Variants in TMEM232 observed in about 807,000 individuals in gnomAD.
The protein encoded by TMEM232 is transmembrane protein 232.
In TMEM232, 80 loss-of-function variants were observed where a neutral mutation model predicts 78.8. The observed-to-expected ratio is 1.01, with a 90% CI of 0.85 to 1.22. The LOEUF (loss-of-function observed/expected upper bound fraction) is 1.22, where lower values mean the gene tolerates loss of function less well. Ranked by LOEUF, TMEM232 falls within the 50% of genes most tolerant of loss-of-function variation. TMEM232 has a pLI of 0.00. For missense variants in TMEM232, 881 were observed against 742.2 expected (o/e 1.19, Z -2.17); for synonymous variants, 297 against 254.3 (o/e 1.17, Z -1.60).
At chr5:110,598,803 T>A (rs1047594377) in intron 10 of TMEM232, among the ~76,000 whole-genome samples, 4 of 136,480 alleles carry the variant, frequency 2.9e-5, no homozygotes, top group Admixed American at 1.7e-4. Context: ...TAGATGGGAA[T>A]TGAACAATAA....
At chr5:110,390,396 A>G (rs1023037695) in intron 4 of TMEM232, 1 of 152,158 alleles carries the variant, frequency 6.6e-6, no homozygotes, top group South Asian at 2.1e-4. Context: ...CTTTATCACC[A>G]TCTCTGGAGA....
intron 12 of TMEM232, among the ~76,000 whole-genome samples, chr5:110,526,752 T>G (rs1770655595): frequency 6.6e-6 from 1 of 151,982 alleles, no homozygotes. Flanking sequence ...ATGTAAATGG[T>G]TATTCTTTGT....
intron 2 of TMEM232, among the ~76,000 whole-genome samples, chr5:110,653,547 T>C (rs1237350809): frequency 6.6e-6 from 1 of 152,214 alleles, no homozygotes; most frequent in Non-Finnish European, 1.5e-5. Flanking sequence ...TCTCTGCTTT[T>C]TCCTGGGCAC....
intron 12 of TMEM232, among the ~76,000 whole-genome samples, chr5:110,455,473 G>A (rs570799234): frequency 7.7e-4 from 117 of 151,764 alleles, no homozygotes; most frequent in Middle Eastern, 3.4e-3. Flanking sequence ...CACCTCTTGC[G>A]TTCAAGCCAT....
intron 6 of TMEM232, among the ~76,000 whole-genome samples, chr5:110,626,703 C>T (rs1784470623): frequency 6.6e-6 from 1 of 151,942 alleles, no homozygotes; most frequent in Non-Finnish European, 1.5e-5. Context: ...TGTTTGTTTA[C>T]CTCCAATCTG....
intron 11 of TMEM232, among the ~76,000 whole-genome samples, chr5:110,533,226 T>A (rs1771816340): frequency 6.6e-6 from 1 of 152,214 alleles, no homozygotes; most frequent in Non-Finnish European, 1.5e-5. Flanking sequence ...ACAGCCCCCA[T>A]TACTTCAGTC....
chr5:110,536,079 G>C (rs13436729), intron 11 of TMEM232, among the ~76,000 whole-genome samples: 25,496 of 152,108 alleles, frequency 0.17, 5,638 homozygotes, highest in African/African-American at 0.52. Context: ...TTCCCCTTTT[G>C]CTATCTGCTC....
At chr5:110,463,133 T>C (rs1464073166) in intron 12 of TMEM232, among the ~76,000 whole-genome samples, 1 of 152,176 alleles carries the variant, frequency 6.6e-6, no homozygotes, top group Non-Finnish European at 1.5e-5. Context: ...AAATCTTTCA[T>C]TGTGGCGACT....
At chr5:110,618,612 A>G in intron 7 of TMEM232, 50 bp from the exon 8 acceptor site, 1 of 1,485,196 alleles carries the variant, frequency 6.7e-7, no homozygotes, top group Non-Finnish European at 9.0e-7. Context: ...AATATATGAG[A>G]AAGAGTACTC....
At chr5:110,586,716 A>G (rs1244649351) in intron 10 of TMEM232, among the ~76,000 whole-genome samples, 1 of 152,136 alleles carries the variant, frequency 6.6e-6, no homozygotes, top group Non-Finnish European at 1.5e-5. Flanking sequence ...GATGGAGCAC[A>G]GTAACACAAA....
At chr5:110,574,857 C>T (rs545923131) in intron 10 of TMEM232, among the ~76,000 whole-genome samples, 44 of 152,160 alleles carry the variant, frequency 2.9e-4, no homozygotes, top group South Asian at 8.3e-4. Context: ...TAAACCATAA[C>T]CCTGAGTAAA....
chr5:110,493,012 G>A (rs969347222), intron 12 of TMEM232, among the ~76,000 whole-genome samples: 1 of 151,718 alleles, frequency 6.6e-6, no homozygotes, highest in African/African-American at 2.4e-5. Context: ...TCATAGAAAA[G>A]GGGATAAATT....
rs141167871 is a variant in TMEM232, at chr5:110,456,769, A to G, written c.1704-31853T>C. On this transcript the variant is annotated intron_variant, in intron 12 of 13. Transcript: ENST00000455884. ...CAAGGTTCAAATGCAATTACAATGGATAAAGAATGATCTCTTAAAACAAAT... is the reference window on the plus strand; with the variant it reads ...CAAGGTTCAAATGCAATTACAATGGGTAAAGAATGATCTCTTAAAACAAAT... Among the ~76,000 whole-genome samples, 39 of 152,266 alleles carry G rather than the reference A, an allele frequency of 2.6e-4. 1 individual carries two copies. Among genetic ancestry groups the G allele is most frequent in the African/African-American group, 9.1e-4 (38 of 41,568 alleles).
intron 12 of TMEM232, among the ~76,000 whole-genome samples, chr5:110,467,812 C>T (rs1382289880): frequency 6.6e-6 from 1 of 151,914 alleles, no homozygotes; most frequent in Non-Finnish European, 1.5e-5. Context: ...CACATGGCTC[C>T]TTCTGTGAGC....
intron 5 of TMEM232, among the ~76,000 whole-genome samples, chr5:110,633,197 T>C (rs1206298467): frequency 6.6e-6 from 1 of 152,144 alleles, no homozygotes; most frequent in Non-Finnish European, 1.5e-5. Flanking sequence ...GGTAAGAACA[T>C]TCATTATCAA....
intron 6 of TMEM232, 60 bp from the exon 7 acceptor site, chr5:110,625,493 T>C: frequency 7.2e-7 from 1 of 1,391,660 alleles, no homozygotes; most frequent in Non-Finnish European, 9.4e-7. Flanking sequence ...CTGTGTTTCA[T>C]TTGTCTTTTA....
At chr5:110,610,820 C>T (rs1027853993) in intron 8 of TMEM232, among the ~76,000 whole-genome samples, 7 of 151,944 alleles carry the variant, frequency 4.6e-5, no homozygotes, top group African/African-American at 1.5e-4. Flanking sequence ...AGTCTATTAC[C>T]AGATAAAATG....
At chr5:110,509,676 A>T (rs57724049) in intron 12 of TMEM232, among the ~76,000 whole-genome samples, 9 of 152,146 alleles carry the variant, frequency 5.9e-5, no homozygotes, top group African/African-American at 2.2e-4. Flanking sequence ...TAATAAAACA[A>T]TTTACAAAAA....
chr5:110,562,730 A>T (rs1194754724), intron 11 of TMEM232, among the ~76,000 whole-genome samples: 3 of 152,132 alleles, frequency 2.0e-5, no homozygotes, highest in East Asian at 3.9e-4. Context: ...GAACAGACAC[A>T]GTAAATAATA....
Sources: gnomAD v4.1 joint callset for allele counts (sites outside exome capture counted in the v4.1 genomes callset) on GRCh38, gnomAD v4.1.1 for gene constraint, MANE v1.5 for transcripts, NCBI Gene and HGNC (gene_info 2026-07-23, HGNC 2026-07-21) for gene names.